Variants in KIF26B observed in about 807,000 individuals in gnomAD.
KIF26B encodes kinesin-like protein KIF26B.
KIF26B carries 63 observed loss-of-function variants against 151.2 expected under a neutral mutation model. That is an observed-to-expected ratio of 0.42 (90% CI 0.34 to 0.51). The LOEUF (loss-of-function observed/expected upper bound fraction) is 0.51. Among genes scored for constraint, KIF26B ranks in the 20% least tolerant of loss-of-function variants. The pLI is 0.07. For missense variants in KIF26B, 2,813 were observed against 2,913.6 expected, an observed-to-expected ratio of 0.97 and a Z score of 0.79; for synonymous variants, 1,357 against 1,262.1, an observed-to-expected ratio of 1.08 and a Z score of -1.59.
chr1:245,698,325 C>T lies in KIF26B; in HGVS notation c.6027+17C>T, dbSNP rs2044721575. ...GCCAGCAAGGTGAGGCAGCCTCCTT[C>T]CCACCCCCTGCCTACGTGGTGGCAG... On this transcript the variant is annotated intron_variant, in intron 13 of 14. Transcript: ENST00000407071. This position sits in a 1 kb window ranked among gnomAD's most constrained non-coding sequence, Gnocchi z 4.0. The T allele has an allele frequency of 2.5e-6, 4 of 1,607,286 alleles. No individual in the cohort carries two copies. Among genetic ancestry groups the T allele is most frequent in the Admixed American group, 1.7e-5 (1 of 59,834 alleles).
intron 4 of KIF26B, among the ~76,000 whole-genome samples, chr1:245,453,283 G>A (rs917148812): frequency 4.6e-5 from 7 of 152,088 alleles, no homozygotes; most frequent in Non-Finnish European, 1.0e-4. Context: ...GCATTATTAA[G>A]AGCCATACAG....
intron 9 of KIF26B, among the ~76,000 whole-genome samples, chr1:245,617,629 C>T (rs952635055): frequency 6.6e-6 from 1 of 152,150 alleles, no homozygotes; most frequent in African/African-American, 2.4e-5. Flanking sequence ...ACAGGGCTCT[C>T]ATCTCCCGCT....
intron 5 of KIF26B, among the ~76,000 whole-genome samples, chr1:245,588,620 G>T (rs1445620280): frequency 6.6e-6 from 1 of 152,208 alleles, no homozygotes; most frequent in African/African-American, 2.4e-5. Context: ...GCTAAGCAGA[G>T]AATTAAAGTT....
At chr1:245,285,328 C>T (rs767694275) in intron 2 of KIF26B, among the ~76,000 whole-genome samples, 8 of 152,202 alleles carry the variant, frequency 5.3e-5, no homozygotes, top group Non-Finnish European at 8.8e-5. Context: ...TCTGCCCATG[C>T]TCCGTTAGCT....
intron 3 of KIF26B, among the ~76,000 whole-genome samples, chr1:245,410,651 T>C (rs1448074607): frequency 1.3e-5 from 2 of 152,196 alleles, no homozygotes; most frequent in African/African-American, 4.8e-5. Context: ...GGTTTCACCA[T>C]GTTACCCAGC....
intron 2 of KIF26B, among the ~76,000 whole-genome samples, chr1:245,213,795 G>C (rs1376309928): frequency 6.6e-6 from 1 of 152,206 alleles, no homozygotes; most frequent in Non-Finnish European, 1.5e-5. Context: ...CCAACTTTAA[G>C]TTCCACTTGA....
chr1:245,541,723 A>G (rs1661629032), intron 5 of KIF26B, among the ~76,000 whole-genome samples: 1 of 152,198 alleles, frequency 6.6e-6, no homozygotes, highest in South Asian at 2.1e-4. Context: ...TTACAGACTT[A>G]TCGTGACTCC....
rs763468157 is a variant in KIF26B, at chr1:245,367,322, C to T, written c.954C>T (p.Thr318=). 8 of 1,596,450 alleles carry T rather than the reference C, an allele frequency of 5.0e-6. No individual in the cohort carries two copies. The highest frequency in any genetic ancestry group is 8.5e-7 in the Non-Finnish European group (1 of 1,171,708). ...AGGCTCACCAGTACCTGGATGGCAC[C>T]TGGTCCCTGTCGAGAACCAACGGGG... ...AIQAHQYLDG[T]WSLSRTNGVT... Residue 318 remains threonine (T), a synonymous_variant, in exon 3 of 15, where the codon ACC becomes ACT. Transcript: ENST00000407071. The surrounding 1 kb of genome is among the most constrained non-coding windows in gnomAD (Gnocchi z 4.2).
At chr1:245,246,894 G>GACAC (rs1670341561) in intron 2 of KIF26B, among the ~76,000 whole-genome samples, 2 of 51,686 alleles carry the variant, frequency 3.9e-5, no homozygotes, top group Admixed American at 2.1e-4. Context: ...CACACACACA[G>GACAC]ACACACACAC....
chr1:245,476,817 C>T (rs1480801543), intron 4 of KIF26B, among the ~76,000 whole-genome samples: 3 of 151,788 alleles, frequency 2.0e-5, no homozygotes, highest in African/African-American at 7.3e-5. Context: ...AGAGCCACCG[C>T]ACCTGGCCAC....
intron 10 of KIF26B, among the ~76,000 whole-genome samples, chr1:245,669,433 A>G (rs2044256416): frequency 6.6e-6 from 1 of 152,242 alleles, no homozygotes; most frequent in African/African-American, 2.4e-5. Context: ...TGTAAATCAT[A>G]TGTCTATGAT....
intron 5 of KIF26B, among the ~76,000 whole-genome samples, chr1:245,565,986 C>T (rs2043005576): frequency 6.6e-6 from 1 of 152,112 alleles, no homozygotes; most frequent in Non-Finnish European, 1.5e-5. Flanking sequence ...AGGGGGAGGC[C>T]CCAGACTCTT....
At chr1:245,494,919 A>G (rs995207628) in intron 4 of KIF26B, among the ~76,000 whole-genome samples, 6 of 152,136 alleles carry the variant, frequency 3.9e-5, no homozygotes, top group Admixed American at 3.9e-4. Flanking sequence ...GCACACCTGT[A>G]GTCCCAGCTA....
intron 2 of KIF26B, among the ~76,000 whole-genome samples, chr1:245,181,801 T>C (rs1668912463): frequency 6.6e-6 from 1 of 152,094 alleles, no homozygotes; most frequent in South Asian, 2.1e-4. Flanking sequence ...GTCTCAGCTT[T>C]GTGAGACAGA....
chr1:245,490,165 G>A (rs1349750238), intron 4 of KIF26B, among the ~76,000 whole-genome samples: 3 of 152,176 alleles, frequency 2.0e-5, no homozygotes, highest in Admixed American at 6.6e-5. Context: ...AGTGTTGGGA[G>A]TGATTTGTGA....
chr1:245,684,821 C>T lies in KIF26B; in HGVS notation c.2421+426C>T, dbSNP rs887566789. ...ACTCCCTGCTCTCAGGGCCCCTCCC[C>T]TGCTGCATGTCCAGGAGTCACTCCC... On this transcript the variant is annotated intron_variant, in intron 11 of 14. Transcript: ENST00000407071. 3.3e-5 allele frequency among the ~76,000 whole-genome samples: 5 copies of T among 152,368 alleles called. 1 individual carries two copies. Among genetic ancestry groups the T allele is most frequent in the Middle Eastern group, 3.4e-3 (1 of 294 alleles).
intron 2 of KIF26B, among the ~76,000 whole-genome samples, chr1:245,247,550 C>T (rs1670360762): frequency 6.6e-6 from 1 of 152,236 alleles, no homozygotes; most frequent in African/African-American, 2.4e-5. Context: ...AAGAGGCTGA[C>T]ATTCTGCCCG....
rs556147799 is a variant in KIF26B at position 245,663,831 on chromosome 1, C to T, written c.2258+17551C>T. Reference sequence around the variant, plus strand: ...AAGACAGTCATGTCTTGAATACCTACAAGGGACAATTATTGGGGGTTGATT... The same window carrying T: ...AAGACAGTCATGTCTTGAATACCTATAAGGGACAATTATTGGGGGTTGATT... On this transcript the variant is annotated intron_variant, in intron 10 of 14. Coordinates refer to ENST00000407071, the MANE Select transcript of KIF26B (RefSeq NM_018012.4). Among the ~76,000 whole-genome samples the T allele has an allele frequency of 9.8e-5, 15 of 152,296 alleles. 1 individual carries two copies. The highest frequency in any genetic ancestry group is 1.9e-4 in the Non-Finnish European group (13 of 68,038).
At chr1:245,501,229 C>A (rs145691371) in intron 4 of KIF26B, among the ~76,000 whole-genome samples, 5 of 152,180 alleles carry the variant, frequency 3.3e-5, no homozygotes, top group Admixed American at 6.5e-5. Flanking sequence ...TTGCCACTTA[C>A]GAGCTATGTG....
Sources: allele counts gnomAD v4.1 joint callset (sites outside exome capture counted in the v4.1 genomes callset), GRCh38; gene constraint gnomAD v4.1.1; non-coding constraint Gnocchi (gnomAD v3.1); transcripts MANE v1.5; gene names NCBI Gene and HGNC (gene_info 2026-07-23, HGNC 2026-07-21).